MAML3: variants seen among roughly 807,000 people sequenced by gnomAD.
The protein encoded by MAML3 is mastermind-like protein 3.
MAML3 carries 27 observed loss-of-function variants against 101.9 expected under a neutral mutation model. The ratio of observed to expected loss-of-function variants is 0.27; its 90% confidence interval spans 0.20 to 0.37. The LOEUF (loss-of-function observed/expected upper bound fraction) is 0.37. Ranked by LOEUF, MAML3 falls within the 10% of genes least tolerant of loss-of-function variation. The pLI is 1.00. For synonymous variants in MAML3, 501 were observed against 555.9 expected, an observed-to-expected ratio of 0.90 and a Z score of 1.39; for missense variants, 1,316 against 1,444.9, an observed-to-expected ratio of 0.91 and a Z score of 1.45.
At chr4:139,729,156 CAAAAAAAAAAAAA>C (rs4057275) in intron 3 of MAML3, among the ~76,000 whole-genome samples, 1,011 of 81,726 alleles carry the variant, frequency 0.012, 18 homozygotes, top group African/African-American at 0.044. Flanking sequence ...GGAACAAAAG[CAAAAAAAAAAAAA>C]AAAAAAAAAA....
At chr4:139,782,216 G>A (rs1464492253) in intron 2 of MAML3, among the ~76,000 whole-genome samples, 1 of 152,190 alleles carries the variant, frequency 6.6e-6, no homozygotes, top group African/African-American at 2.4e-5. Context: ...AGTCTGGAGT[G>A]TAGTGGCACA....
intron 2 of MAML3, among the ~76,000 whole-genome samples, chr4:139,746,562 A>G (rs1408255582): frequency 6.6e-6 from 1 of 152,136 alleles, no homozygotes; most frequent in African/African-American, 2.4e-5. Context: ...TCTGTCTTCT[A>G]ATCCCAGGGA....
At chr4:140,021,592 TC>T (rs368652228) in intron 1 of MAML3, among the ~76,000 whole-genome samples, 10 of 152,264 alleles carry the variant, frequency 6.6e-5, no homozygotes, top group African/African-American at 2.2e-4. Context: ...TAATTTTTTT[TC>T]CTTATTTTTA....
At chr4:140,075,181 G>C (rs1727746139) in intron 1 of MAML3, among the ~76,000 whole-genome samples, 2 of 152,108 alleles carry the variant, frequency 1.3e-5, no homozygotes, top group Admixed American at 1.3e-4. Flanking sequence ...TCCATAAGAA[G>C]GCTGAAGTTT....
intron 1 of MAML3, among the ~76,000 whole-genome samples, chr4:139,963,140 T>C (rs910298409): frequency 4.6e-5 from 7 of 152,158 alleles, no homozygotes; most frequent in Non-Finnish European, 1.0e-4. Context: ...GCATACAAGT[T>C]GGGTGCAGTG....
At chr4:139,945,594 T>C (rs935555858) in intron 1 of MAML3, among the ~76,000 whole-genome samples, 1 of 152,218 alleles carries the variant, frequency 6.6e-6, no homozygotes, top group Admixed American at 6.5e-5. Flanking sequence ...TGCATGAAAA[T>C]ATTCAAATAT....
intron 2 of MAML3, among the ~76,000 whole-genome samples, chr4:139,803,822 G>A (rs1730657464): frequency 2.0e-5 from 3 of 152,136 alleles, no homozygotes; most frequent in Admixed American, 1.3e-4. Flanking sequence ...CATAGAAGAG[G>A]AAACTGAGGT....
intron 1 of MAML3, among the ~76,000 whole-genome samples, chr4:139,926,698 T>C (rs1733270135): frequency 6.6e-6 from 1 of 152,240 alleles, no homozygotes; most frequent in Non-Finnish European, 1.5e-5. Context: ...ACTTTAAACT[T>C]TTTTGACTTA....
chr4:139,972,926 GATTA>G (rs1734255787), intron 1 of MAML3, among the ~76,000 whole-genome samples: 2 of 152,164 alleles, frequency 1.3e-5, no homozygotes. Context: ...ACATTACCTA[GATTA>G]TGCACCAAAA....
chr4:139,728,128 T>C (rs1255395547), intron 3 of MAML3, among the ~76,000 whole-genome samples: 2 of 152,134 alleles, frequency 1.3e-5, no homozygotes, highest in Non-Finnish European at 2.9e-5. Context: ...GGTGGGAAGA[T>C]TGCTTGAGCT....
intron 1 of MAML3, among the ~76,000 whole-genome samples, chr4:140,070,115 CAAATAAATAAAT>C (rs60471093): frequency 6.0e-5 from 9 of 149,762 alleles, no homozygotes; most frequent in Middle Eastern, 3.2e-3. Context: ...GACTCCATCT[CAAATAAATAAAT>C]AAATAAATAA....
intron 1 of MAML3, among the ~76,000 whole-genome samples, chr4:140,067,243 G>C (rs912035970): frequency 1.3e-5 from 2 of 151,994 alleles, no homozygotes; most frequent in Non-Finnish European, 2.9e-5. Context: ...GAAAGAAACA[G>C]AGAGAGAATA....
intron 2 of MAML3, among the ~76,000 whole-genome samples, chr4:139,868,426 C>T (rs1389058652): frequency 6.6e-6 from 1 of 152,172 alleles, no homozygotes; most frequent in Non-Finnish European, 1.5e-5. Context: ...TGTGAAAGTG[C>T]TGTTAGCTCT....
chr4:139,915,631 A>G (rs1283647131), intron 1 of MAML3, among the ~76,000 whole-genome samples: 1 of 152,206 alleles, frequency 6.6e-6, no homozygotes, highest in Non-Finnish European at 1.5e-5. Flanking sequence ...ACCTGTGTGT[A>G]TGAATCCAAG....
intron 1 of MAML3, among the ~76,000 whole-genome samples, chr4:140,082,965 C>T (rs189261791): frequency 4.6e-5 from 7 of 152,268 alleles, no homozygotes; most frequent in East Asian, 3.9e-4. Context: ...CAACTCTAAC[C>T]GCTCAGGGTG....
At chr4:139,726,469 G>A (rs1020187075) in intron 3 of MAML3, among the ~76,000 whole-genome samples, 8 of 152,138 alleles carry the variant, frequency 5.3e-5, no homozygotes, top group South Asian at 2.1e-4. Context: ...TGAGGAATGC[G>A]TGCTGAGGGA....
chr4:140,046,887 A>G (rs1422474143), intron 1 of MAML3, among the ~76,000 whole-genome samples: 1 of 152,172 alleles, frequency 6.6e-6, no homozygotes, highest in Non-Finnish European at 1.5e-5. Flanking sequence ...AATTTTGCAG[A>G]GAGGCTCGTG....
chr4:140,005,659 A>G (rs1419666520), intron 1 of MAML3, among the ~76,000 whole-genome samples: 1 of 152,266 alleles, frequency 6.6e-6, no homozygotes, highest in African/African-American at 2.4e-5. Flanking sequence ...TCCTCCCAAA[A>G]GAAGATTAGA....
chr4:140,117,097 T>C (rs1209158864), intron 1 of MAML3, among the ~76,000 whole-genome samples: 4 of 152,188 alleles, frequency 2.6e-5, no homozygotes, highest in Non-Finnish European at 5.9e-5. Flanking sequence ...GTTCTCAAAA[T>C]GGGGATTTCT....
Sources: gnomAD v4.1 joint callset for allele counts (sites outside exome capture counted in the v4.1 genomes callset) on GRCh38, gnomAD v4.1.1 for gene constraint, MANE v1.5 for transcripts, NCBI Gene and HGNC (gene_info 2026-07-23, HGNC 2026-07-21) for gene names.